ADAMTS6: variants seen among roughly 807,000 people sequenced by gnomAD.
ADAMTS6 encodes the protein ADAM metallopeptidase with thrombospondin type 1 motif 6.
ADAMTS6 carries 23 observed loss-of-function variants against 144.3 expected under a neutral mutation model. The observed-to-expected ratio is 0.16, with a 90% CI of 0.11 to 0.23. The LOEUF (loss-of-function observed/expected upper bound fraction) is 0.23, where lower values mean the gene tolerates loss of function less well. Ranked by LOEUF, ADAMTS6 falls within the 10% of genes least tolerant of loss-of-function variation. ADAMTS6 has a pLI of 1.00. For synonymous variants in ADAMTS6, 444 were observed against 457.5 expected (o/e 0.97, Z 0.38); for missense variants, 999 against 1,379.6 (o/e 0.72, Z 4.37).
At chr5:65,374,718 C>A (rs1362738779) in intron 7 of ADAMTS6, among the ~76,000 whole-genome samples, 2 of 152,210 alleles carry the variant, frequency 1.3e-5, no homozygotes, top group African/African-American at 4.8e-5. Flanking sequence ...CCATCCCCAT[C>A]AAGCTACCAA....
intron 12 of ADAMTS6, among the ~76,000 whole-genome samples, chr5:65,271,360 AG>A (rs1762037443): frequency 6.8e-6 from 1 of 146,902 alleles, no homozygotes; most frequent in African/African-American, 2.6e-5. Flanking sequence ...GCCTGGTGAC[AG>A]AGCTATACTC....
At chr5:65,265,398 A>G (rs1045846607) in intron 12 of ADAMTS6, among the ~76,000 whole-genome samples, 3 of 152,072 alleles carry the variant, frequency 2.0e-5, no homozygotes, top group Non-Finnish European at 4.4e-5. Context: ...CAATTTTTAT[A>G]GTGATATGTT....
chr5:65,190,799 C>T (rs1220914209), intron 21 of ADAMTS6, among the ~76,000 whole-genome samples: 1 of 152,152 alleles, frequency 6.6e-6, no homozygotes, highest in African/African-American at 2.4e-5. Flanking sequence ...TCAGGCTTCA[C>T]ACTCAGTCCC....
At chr5:65,208,416 C>T (rs1354396231) in intron 20 of ADAMTS6, among the ~76,000 whole-genome samples, 10 of 152,130 alleles carry the variant, frequency 6.6e-5, no homozygotes. Context: ...AGTTAAGAAC[C>T]ATTGCTCTAT....
Position 65,225,067 on chromosome 5 carries a change from T to C in ADAMTS6, c.2068-20A>G. ...TACGTGCTGAAAACAGAGAGGAATATTCAGTGTGTCAAGAGAGAAATTCTT... is the reference window on the plus strand; with the variant it reads ...TACGTGCTGAAAACAGAGAGGAATACTCAGTGTGTCAAGAGAGAAATTCTT... On this transcript the variant is annotated intron_variant, in intron 16 of 24. Coordinates refer to ENST00000381055, the MANE Select transcript of ADAMTS6 (RefSeq NM_197941.4). 1.2e-6 allele frequency: 2 copies of C among 1,608,132 alleles called. No homozygotes were observed. Among genetic ancestry groups the C allele is most frequent in the East Asian group, 2.2e-5 (1 of 44,746 alleles).
intron 8 of ADAMTS6, among the ~76,000 whole-genome samples, chr5:65,333,144 A>C (rs772862220): frequency 6.6e-6 from 1 of 152,142 alleles, no homozygotes. Context: ...AAGAAAATTG[A>C]GACTTGTCAT....
intron 7 of ADAMTS6, among the ~76,000 whole-genome samples, chr5:65,408,815 C>T (rs6888464): frequency 0.37 from 56,641 of 152,028 alleles, 11,022 homozygotes; most frequent in South Asian, 0.44. Flanking sequence ...GACCACAGTG[C>T]AATCAAACTA....
chr5:65,379,289 A>C (rs1312293601), intron 7 of ADAMTS6, among the ~76,000 whole-genome samples: 1 of 152,184 alleles, frequency 6.6e-6, no homozygotes, highest in Non-Finnish European at 1.5e-5. Flanking sequence ...TTAACCTTTG[A>C]ATATAGATAA....
chr5:65,416,645 G>A (rs1388972062), intron 7 of ADAMTS6, among the ~76,000 whole-genome samples: 1 of 151,720 alleles, frequency 6.6e-6, no homozygotes, highest in Non-Finnish European at 1.5e-5. Flanking sequence ...GGAGGCTGTG[G>A]CAAGAGAATC....
chr5:65,218,230 G>A (rs770628908), intron 18 of ADAMTS6, among the ~76,000 whole-genome samples: 5 of 152,202 alleles, frequency 3.3e-5, no homozygotes, highest in Non-Finnish European at 5.9e-5. Flanking sequence ...CCATTCAGTA[G>A]AGACCCAAGA....
At chr5:65,157,956 A>G (rs1326465529) in intron 24 of ADAMTS6, among the ~76,000 whole-genome samples, 1 of 152,154 alleles carries the variant, frequency 6.6e-6, no homozygotes, top group African/African-American at 2.4e-5. Flanking sequence ...TCAATTTCCC[A>G]TAGACTAGAC....
intron 24 of ADAMTS6, among the ~76,000 whole-genome samples, chr5:65,159,923 C>T (rs1363520684): frequency 6.6e-6 from 1 of 152,176 alleles, no homozygotes; most frequent in African/African-American, 2.4e-5. Context: ...AAAGTAATTT[C>T]AGTTTTTGCC....
At chr5:65,470,526 G>T (rs1760350396) in intron 3 of ADAMTS6, among the ~76,000 whole-genome samples, 1 of 151,978 alleles carries the variant, frequency 6.6e-6, no homozygotes, top group Non-Finnish European at 1.5e-5. Flanking sequence ...TAAGTCTAAA[G>T]GGAAATCTGA....
At chr5:65,212,271 T>A (rs570443081) in intron 20 of ADAMTS6, among the ~76,000 whole-genome samples, 1 of 152,050 alleles carries the variant, frequency 6.6e-6, no homozygotes. Flanking sequence ...AAGAAGGCAA[T>A]AGCCTCAAGA....
Position 65,421,017 on chromosome 5 carries a change from G to A in ADAMTS6, c.1073+30458C>T, listed in dbSNP as rs77306996. ...TGTTTGCTTTGTGATTTTTAATCCAGTCTGCCAATGTGTGTATCTTTTAAG... is the reference window on the plus strand; with the variant it reads ...TGTTTGCTTTGTGATTTTTAATCCAATCTGCCAATGTGTGTATCTTTTAAG... On this transcript the variant is annotated intron_variant, in intron 7 of 24. Transcript: ENST00000381055. 8.2e-3 allele frequency among the ~76,000 whole-genome samples: 1,247 copies of A among 152,276 alleles called. 10 individuals carry two copies. The highest frequency in any genetic ancestry group is 0.011 in the Non-Finnish European group (779 of 68,002).
At chr5:65,468,408 C>CAGCCTGGGCAAGAGTAAG (rs1268361889) in intron 3 of ADAMTS6, among the ~76,000 whole-genome samples, 3 of 146,396 alleles carry the variant, frequency 2.0e-5, no homozygotes, top group Non-Finnish European at 3.0e-5. Flanking sequence ...CACTGCACTC[C>CAGCCTGGGCAAGAGTAAG]AGCCTGGGCA....
intron 20 of ADAMTS6, among the ~76,000 whole-genome samples, chr5:65,203,533 G>A (rs1487968364): frequency 6.6e-6 from 1 of 152,178 alleles, no homozygotes; most frequent in Non-Finnish European, 1.5e-5. Context: ...ACAGTGTAAT[G>A]TATTTATCAT....
intron 11 of ADAMTS6, 89 bp downstream of exon 11, chr5:65,291,240 G>T: frequency 1.4e-6 from 2 of 1,457,360 alleles, no homozygotes; most frequent in East Asian, 4.7e-5. Context: ...TTACTAGAGG[G>T]AACCGACATT....
intron 14 of ADAMTS6, among the ~76,000 whole-genome samples, chr5:65,243,116 A>C (rs1759335929): frequency 6.6e-6 from 1 of 152,120 alleles, no homozygotes; most frequent in Admixed American, 6.5e-5. Flanking sequence ...TGTAGTACTT[A>C]AAAACTAAAA....
Sources: allele counts gnomAD v4.1 joint callset (sites outside exome capture counted in the v4.1 genomes callset), GRCh38; gene constraint gnomAD v4.1.1; transcripts MANE v1.5; gene names NCBI Gene and HGNC (gene_info 2026-07-23, HGNC 2026-07-21).